The following TERF2 variants were observed in gnomAD, a reference collection of about 807,000 sequenced individuals.
TERF2 encodes telomeric repeat binding factor 2, also known as telomeric repeat-binding factor 2.
A neutral mutation model predicts 56.1 loss-of-function variants in TERF2; 16 were observed. The observed-to-expected ratio is 0.29, with a 90% CI of 0.19 to 0.43. The LOEUF (loss-of-function observed/expected upper bound fraction) is 0.43. TERF2 is among the 20% of genes least tolerant of loss of function. The pLI is 1.00. For missense variants in TERF2, 547 were observed against 712.9 expected, an observed-to-expected ratio of 0.77 and a Z score of 2.65; for synonymous variants, 296 against 282.1, an observed-to-expected ratio of 1.05 and a Z score of -0.50.
intron 9 of TERF2, 145 bp downstream of exon 9, chr16:69,357,373 A>T (rs2012943295): frequency 5.7e-6 from 4 of 701,540 alleles, no homozygotes; most frequent in Non-Finnish European, 9.7e-6. Flanking sequence ...GATAATTATT[A>T]CTTTAACTTA....
intron 3 of TERF2, among the ~76,000 whole-genome samples, chr16:69,378,455 A>G (rs1034221406): frequency 1.3e-5 from 2 of 152,230 alleles, no homozygotes; most frequent in African/African-American, 4.8e-5. Flanking sequence ...AGGGCAAGAA[A>G]GAAGCGAAAA....
intron 8 of TERF2, among the ~76,000 whole-genome samples, chr16:69,360,252 C>T (rs961998581): frequency 2.0e-5 from 3 of 151,356 alleles, no homozygotes; most frequent in South Asian, 2.1e-4. Flanking sequence ...GGGCGTGGTG[C>T]GACACACCTG....
intron 3 of TERF2, among the ~76,000 whole-genome samples, chr16:69,380,802 A>ATTT (rs1159431847): frequency 7.1e-6 from 1 of 140,746 alleles, no homozygotes; most frequent in Non-Finnish European, 1.6e-5. Context: ...ACATTCATTA[A>ATTT]TTTTTTTTTT....
At chr16:69,372,767 A>G (rs2013624564) in intron 3 of TERF2, among the ~76,000 whole-genome samples, 1 of 152,170 alleles carries the variant, frequency 6.6e-6, no homozygotes, top group Non-Finnish European at 1.5e-5. Flanking sequence ...CCATCTCAAA[A>G]AAAACAAACA....
intron 3 of TERF2, among the ~76,000 whole-genome samples, chr16:69,380,953 C>G (rs1402143903): frequency 1.3e-5 from 2 of 151,672 alleles, no homozygotes; most frequent in South Asian, 2.1e-4. Context: ...AGGTGCCCAC[C>G]ACCACGCCTG....
chr16:69,372,950 G>T (rs1271591979), intron 3 of TERF2, among the ~76,000 whole-genome samples: 2 of 152,134 alleles, frequency 1.3e-5, no homozygotes, highest in Non-Finnish European at 2.9e-5. Context: ...AGGAAAGACA[G>T]AATGGACAGG....
Position 69,384,714 on chromosome 16 carries a change from G to C in TERF2, c.476-4C>G. The C allele has an allele frequency of 6.3e-7, 1 of 1,591,492 alleles. No individual in the cohort carries two copies. Among genetic ancestry groups the C allele is most frequent in the Non-Finnish European group, 8.5e-7 (1 of 1,171,402 alleles). ...GCCTCCATATCAAAGGAACAGTCTA[G>C]GACAAAGCACAGTTTTCATTTTTAA... is the stretch of plus-strand genomic sequence containing the variant. On this transcript the variant is annotated splice_polypyrimidine_tract_variant and splice_region_variant and intron_variant, in intron 2 of 9. Coordinates refer to ENST00000254942, the MANE Select transcript of TERF2 (RefSeq NM_005652.5).
Position 69,356,123 on chromosome 16 carries a change from G to A in TERF2, c.*775C>T, listed in dbSNP as rs2012885994. 1 of 434,050 alleles carries A rather than the reference G, an allele frequency of 2.3e-6. No individual in the cohort carries two copies. 26.9% of individuals were successfully genotyped at this position (434,050 alleles called of 1,614,324 possible). On this transcript the variant is annotated 3_prime_UTR_variant, in exon 10 of 10. Coordinates refer to ENST00000254942, the MANE Select transcript of TERF2 (RefSeq NM_005652.5). Reference sequence around the variant, plus strand: ...ACAAGGACTGGTCTGTCATCAACCTGGGTTCATAACAGACTAAGTTCCTTT... The same window carrying A: ...ACAAGGACTGGTCTGTCATCAACCTAGGTTCATAACAGACTAAGTTCCTTT...
At chr16:69,370,390 T>C (rs1228357093) in intron 5 of TERF2, 93 bp downstream of exon 5, 6 of 1,507,964 alleles carry the variant, frequency 4.0e-6, no homozygotes, top group Non-Finnish European at 5.4e-6. Context: ...TCAATGTCTT[T>C]TTCACACATC....
rs2013377835 is a variant in TERF2, at chr16:69,367,050, G to A, written c.1097C>T (p.Pro366Leu). 4.3e-6 allele frequency: 7 copies of A among 1,614,082 alleles called. No homozygotes were observed. Among genetic ancestry groups the A allele is most frequent in the Middle Eastern group, 1.6e-4 (1 of 6,084 alleles). ...TCTGGGTCTCTTGTTTTTGAGGGCT[G>A]GTGATGCTGGGAGAGCTTGAGTAGG... is the stretch of plus-strand genomic sequence containing the variant. ...VLPTQALPAS[P>L]ALKNKRPRKD... Residue 366 changes from proline to leucine, a missense_variant, in exon 7 of 10, where the codon CCA (proline) becomes CTA (leucine). By Grantham distance (98) the Pro-to-Leu change is moderately conservative. Transcript: ENST00000254942.
intron 7 of TERF2, 162 bp downstream of exon 7, chr16:69,366,645 G>T: frequency 1.1e-6 from 1 of 913,302 alleles, no homozygotes; most frequent in Non-Finnish European, 1.6e-6. Flanking sequence ...CGGCAGGGAT[G>T]GCTACGTCGT....
Position 69,367,125 on chromosome 16 carries a change from T to G in TERF2, c.1022A>C (p.Gln341Pro), listed in dbSNP as rs371110469. The G allele has an allele frequency of 1.2e-6, 2 of 1,614,250 alleles. No individual in the cohort carries two copies. The highest frequency in any genetic ancestry group is 1.7e-6 in the Non-Finnish European group (2 of 1,180,052). Residue 341 changes from glutamine (Q) to proline (P), a missense_variant, in exon 7 of 10, where the codon CAG becomes CCG. Transcript: ENST00000254942. ...TTTTGCAAAGGCTGCCTCAGAATCCTGTGCACCAGACAGAGTCTTGAAAGC... is the reference window on the plus strand; with the variant it reads ...TTTTGCAAAGGCTGCCTCAGAATCCGGTGCACCAGACAGAGTCTTGAAAGC... ...KAAFKTLSGA[Q>P]DSEAAFAKLD...
intron 5 of TERF2, chr16:69,368,705 C>G: frequency 9.0e-7 from 1 of 1,111,030 alleles, no homozygotes; most frequent in Non-Finnish European, 1.2e-6. Context: ...GAGAGGGAGT[C>G]TTGCTCTGTC....
At chr16:69,378,626 C>T (rs969139117) in intron 3 of TERF2, among the ~76,000 whole-genome samples, 2 of 152,044 alleles carry the variant, frequency 1.3e-5, no homozygotes, top group African/African-American at 2.4e-5. Context: ...CTGGGTGACA[C>T]CAGAGAAGGA....
rs557398178 is a variant in TERF2 at position 69,380,387 on chromosome 16, G to A, written c.606+4193C>T. Among the ~76,000 whole-genome samples, 29 of 152,050 alleles carry A rather than the reference G, an allele frequency of 1.9e-4. 1 individual carries two copies. The highest frequency in any genetic ancestry group is 1.7e-3 in the Admixed American group (26 of 15,272). On this transcript the variant is annotated intron_variant, in intron 3 of 9. Transcript: ENST00000254942. ...ATTAAAATCCATCAGTCAGCTGGGC[G>A]CAGTGGCTCACTCCTGTAATCCCAG...
At chr16:69,367,764 C>A (rs367832376) in intron 6 of TERF2, among the ~76,000 whole-genome samples, 2 of 152,074 alleles carry the variant, frequency 1.3e-5, no homozygotes, top group African/African-American at 4.8e-5. Flanking sequence ...GTCTAACCAA[C>A]ATGAAAAAAA....
At chr16:69,379,884 T>G (rs1332869976) in intron 3 of TERF2, among the ~76,000 whole-genome samples, 1 of 152,140 alleles carries the variant, frequency 6.6e-6, no homozygotes, top group East Asian at 1.9e-4. Context: ...GCTTCTGTAT[T>G]TAATCTGTTG....
chr16:69,376,032 A>G (rs1017250731), intron 3 of TERF2, among the ~76,000 whole-genome samples: 14 of 152,116 alleles, frequency 9.2e-5, no homozygotes, highest in Admixed American at 5.2e-4. Flanking sequence ...TTCTCTTAAC[A>G]GTGTTTTTCT....
At chr16:69,362,306 T>G (rs902058892) in intron 7 of TERF2, among the ~76,000 whole-genome samples, 2 of 152,028 alleles carry the variant, frequency 1.3e-5, no homozygotes, top group African/African-American at 4.8e-5. Flanking sequence ...TGAAGCCTCC[T>G]CTAACTACCA....
Sources: gnomAD v4.1 joint callset for allele counts (sites outside exome capture counted in the v4.1 genomes callset) on GRCh38, gnomAD v4.1.1 for gene constraint, MANE v1.5 for transcripts, NCBI Gene and HGNC (gene_info 2026-07-23, HGNC 2026-07-21) for gene names.